The following NDUFA10 variants were observed in gnomAD, a reference collection of about 807,000 sequenced individuals.
The protein encoded by NDUFA10 is NADH:ubiquinone oxidoreductase subunit A10.
Under a neutral mutation model 47.8 loss-of-function variants are expected in NDUFA10, and 40 were observed. The observed-to-expected ratio is 0.84, with a 90% CI of 0.65 to 1.09. The LOEUF (loss-of-function observed/expected upper bound fraction) is 1.09, where lower values mean the gene tolerates loss of function less well. Ranked by LOEUF, NDUFA10 falls within the 50% of genes least tolerant of loss-of-function variation. NDUFA10 has a pLI of 0.00. For missense variants in NDUFA10, 413 were observed against 451.1 expected (o/e 0.92, Z 0.76); for synonymous variants, 183 against 172.2 (o/e 1.06, Z -0.49).
At chr2:239,940,856 T>C (rs4241304) in intron 4 of NDUFA10, among the ~76,000 whole-genome samples, 120,902 of 152,226 alleles carry the variant, frequency 0.79, 48,133 homozygotes, top group Admixed American at 0.84. Flanking sequence ...TCTTTTGTAC[T>C]GCTATCAGTG....
chr2:239,966,864 TTTTTTTC>T (rs1450074685), intron 9 of NDUFA10, among the ~76,000 whole-genome samples: 57 of 106,964 alleles, frequency 5.3e-4, no homozygotes, highest in South Asian at 3.6e-3. Context: ...TTTTTTTTTT[TTTTTTTC>T]CCTAAGAGAG....
chr2:240,017,347 G>C (rs1201010980), intron 4 of NDUFA10, among the ~76,000 whole-genome samples: 1 of 152,006 alleles, frequency 6.6e-6, no homozygotes, highest in African/African-American at 2.4e-5. Context: ...GCACACGCAG[G>C]CTTCTCCACC....
rs1697605913 is a variant in NDUFA10 at position 240,021,251 on chromosome 2, A to G, written c.406T>C (p.Tyr136His). 1.2e-6 allele frequency: 2 copies of G among 1,614,234 alleles called. No individual in the cohort carries two copies. The part of the protein sequence containing the change: ...GNSYRLQSWL[Y>H]SSRLLQYSDA... ...GAGTACTGCAGCAGGCGACTGCTGT[A>G]CAACCAGGACTGCAGGCGGTAACTG... Residue 136 changes from tyrosine (Y) to histidine (H), a missense_variant, in exon 3 of 10, where the codon TAC becomes CAC. Coordinates refer to ENST00000252711, the MANE Select transcript of NDUFA10 (RefSeq NM_004544.4).
chr2:239,929,173 G>A (rs978115152), intron 4 of NDUFA10, among the ~76,000 whole-genome samples: 12 of 152,198 alleles, frequency 7.9e-5, no homozygotes, highest in Admixed American at 3.9e-4. Flanking sequence ...CAGGCGAGAC[G>A]CTGCCCTGAC....
chr2:239,976,880 AC>A (rs549512388), intron 9 of NDUFA10, among the ~76,000 whole-genome samples: 63 of 152,136 alleles, frequency 4.1e-4, no homozygotes, highest in Non-Finnish European at 6.6e-4. Flanking sequence ...CTCCCAGAAC[AC>A]TGGCAACTTC....
At chr2:240,014,335 T>A in intron 5 of NDUFA10, 1 of 312,774 alleles carries the variant, frequency 3.2e-6, no homozygotes, top group South Asian at 2.9e-5. Flanking sequence ...GTTAAATAGA[T>A]TGAAGTGATG....
In NDUFA10 at chr2:239,906,386, C is replaced by T. The variant is rs1197545728; in HGVS notation, c.295-11072G>A. 6.6e-6 allele frequency among the ~76,000 whole-genome samples: 1 copy of T among 152,166 alleles called. No homozygotes were observed. Among genetic ancestry groups the T allele is most frequent in the Non-Finnish European group, 1.5e-5 (1 of 68,034 alleles). On this transcript the variant is annotated intron_variant, in intron 4 of 5. Coordinates refer to the NDUFA10 transcript ENST00000419408. The surrounding 1 kb of genome is among the most constrained non-coding windows in gnomAD (Gnocchi z 4.3). ...TTCTGGGATACTCAGGGCACCTTCACCTCAGCACCCCAGCTGACCCTTGAA... is the reference window on the plus strand; with the variant it reads ...TTCTGGGATACTCAGGGCACCTTCATCTCAGCACCCCAGCTGACCCTTGAA...
chr2:240,015,637 G>A (rs532980571), intron 4 of NDUFA10, among the ~76,000 whole-genome samples: 52 of 152,278 alleles, frequency 3.4e-4, no homozygotes, highest in Admixed American at 9.2e-4. Flanking sequence ...GGGGGCACCC[G>A]CAGGGCCCGT....
chr2:239,912,956 G>A (rs751966585), intron 4 of NDUFA10, among the ~76,000 whole-genome samples: 4 of 152,226 alleles, frequency 2.6e-5, no homozygotes, highest in Non-Finnish European at 5.9e-5. Flanking sequence ...AGCTGCCCGA[G>A]TCAACATGCG....
At chr2:239,914,458 TAC>T (rs1213341433) in intron 4 of NDUFA10, among the ~76,000 whole-genome samples, 5 of 89,918 alleles carry the variant, frequency 5.6e-5, no homozygotes, top group South Asian at 3.4e-4. Flanking sequence ...CACACAAACA[TAC>T]ACACACAGAC....
chr2:240,005,715 G>A (rs1018999123), intron 7 of NDUFA10, among the ~76,000 whole-genome samples: 4 of 152,018 alleles, frequency 2.6e-5, no homozygotes, highest in Admixed American at 6.5e-5. Context: ...GAATCACACC[G>A]TAACAGTCAG....
chr2:239,938,133 G>C (rs1466396609), intron 4 of NDUFA10, among the ~76,000 whole-genome samples: 1 of 152,144 alleles, frequency 6.6e-6, no homozygotes, highest in East Asian at 1.9e-4. Context: ...CCACTCCCCA[G>C]CAGTCCCCAC....
At position 239,945,765 on chromosome 2, in the gene NDUFA10, A is replaced by AACC. The variant is rs1694442343; in HGVS notation, c.294+44306_294+44308dup. On this transcript the variant is annotated intron_variant, in intron 4 of 5. Coordinates refer to the NDUFA10 transcript ENST00000419408. This position sits in a 1 kb window ranked among gnomAD's most constrained non-coding sequence, Gnocchi z 4.6. ...CACACCAAGAGAAGTGCTGCAGCTC[A>AACC]ACCAGGCATCACGGCCAAACGTGCA... 6.6e-6 allele frequency among the ~76,000 whole-genome samples: 1 copy of AACC among 152,232 alleles called. No homozygotes were observed. The highest frequency in any genetic ancestry group is 2.4e-5 in the African/African-American group (1 of 41,452).
chr2:239,961,203 C>G lies in NDUFA10; in HGVS notation c.1000-17G>C, dbSNP rs1362131825. The G allele has an allele frequency of 1.9e-6, 3 of 1,613,984 alleles. No homozygotes were observed. Among genetic ancestry groups the G allele is most frequent in the African/African-American group, 1.3e-5 (1 of 74,932 alleles). On this transcript the variant is annotated splice_polypyrimidine_tract_variant and intron_variant, in intron 9 of 9. Transcript: ENST00000252711. ...GCCCGGCAGCTGTGGGGGAAAAAGG[C>G]ATTGGTGCATTCTGTTTAACGTGAA...
rs895831441 is a variant in NDUFA10 at position 240,016,704 on chromosome 2, C to T, written c.548-1844G>A. ...GGTCCCCAAAGGATCTGGTCTCAGC[C>T]CTCCCCCATCACCCCTTGGGCTTTC... On this transcript the variant is annotated intron_variant, in intron 4 of 9. Coordinates refer to ENST00000252711, the MANE Select transcript of NDUFA10 (RefSeq NM_004544.4). This position sits in a 1 kb window ranked among gnomAD's most constrained non-coding sequence, Gnocchi z 4.4. Among the ~76,000 whole-genome samples the T allele has an allele frequency of 3.3e-5, 5 of 152,100 alleles. No homozygotes were observed. Among genetic ancestry groups the T allele is most frequent in the African/African-American group, 1.2e-4 (5 of 41,402 alleles).
rs577042732 is a variant in NDUFA10, at chr2:239,948,693, G to A, written c.294+41381C>T. Among the ~76,000 whole-genome samples, 23 of 152,344 alleles carry A rather than the reference G, an allele frequency of 1.5e-4. No individual in the cohort carries two copies. In the East Asian group the frequency reaches 4.1e-3, roughly 27 times the overall value. On this transcript the variant is annotated intron_variant, in intron 4 of 5. Transcript: ENST00000419408. Reference sequence around the variant, plus strand: ...TAGGGATTGCAAAGGTGGCTCAGATGCCAGCCTGACGACGCAACTCAGTAT... The same window carrying A: ...TAGGGATTGCAAAGGTGGCTCAGATACCAGCCTGACGACGCAACTCAGTAT...
intron 8 of NDUFA10, among the ~76,000 whole-genome samples, chr2:240,002,859 GA>G (rs1574873031): frequency 6.6e-6 from 1 of 152,130 alleles, no homozygotes; most frequent in Non-Finnish European, 1.5e-5. Flanking sequence ...AAACAGAAGT[GA>G]ACTTCTTTTG....
chr2:240,013,584 T>C (rs555120983), intron 5 of NDUFA10: 2 of 152,204 alleles, frequency 1.3e-5, no homozygotes, highest in African/African-American at 2.4e-5. Flanking sequence ...CTTACAAGCA[T>C]ATGCTTAAAC....
At chr2:239,950,755 C>T (rs1406407089) in intron 4 of NDUFA10, among the ~76,000 whole-genome samples, 1 of 152,222 alleles carries the variant, frequency 6.6e-6, no homozygotes, top group East Asian at 1.9e-4. Context: ...CTGTCTGTCC[C>T]CGTGGTCGGC....
Sources: allele counts gnomAD v4.1 joint callset (sites outside exome capture counted in the v4.1 genomes callset), GRCh38; gene constraint gnomAD v4.1.1; non-coding constraint Gnocchi (gnomAD v3.1); transcripts MANE v1.5; gene names NCBI Gene and HGNC (gene_info 2026-07-23, HGNC 2026-07-21).